NCALD: variants seen among roughly 807,000 people sequenced by gnomAD.
The protein encoded by NCALD is neurocalcin-delta.
Under a neutral mutation model 18.6 loss-of-function variants are expected in NCALD, and 10 were observed. That is an observed-to-expected ratio of 0.54 (90% confidence interval 0.33 to 0.91). NCALD has a LOEUF of 0.91. NCALD is among the 40% of genes least tolerant of loss of function. The pLI, the probability that NCALD is intolerant of heterozygous loss-of-function variation, is 0.03. For synonymous variants in NCALD, 88 were observed against 87.4 expected (o/e 1.01, Z -0.04); for missense variants, 184 against 247.6 (o/e 0.74, Z 1.72).
chr8:102,012,753 G>C (rs1821949576), intron 2 of NCALD, among the ~76,000 whole-genome samples: 1 of 152,130 alleles, frequency 6.6e-6, no homozygotes, highest in Non-Finnish European at 1.5e-5. Flanking sequence ...CCTGAAACAA[G>C]TCTACCCATT....
At chr8:101,722,712 C>T (rs969817767) in intron 1 of NCALD, among the ~76,000 whole-genome samples, 2 of 152,070 alleles carry the variant, frequency 1.3e-5, no homozygotes, top group Non-Finnish European at 2.9e-5. Flanking sequence ...AACAAATTGC[C>T]TCAACATTTT....
chr8:102,110,109 C>T (rs1825594954), intron 1 of NCALD, among the ~76,000 whole-genome samples: 1 of 152,148 alleles, frequency 6.6e-6, no homozygotes, highest in African/African-American at 2.4e-5. Context: ...ACACCCAGAC[C>T]TTTAACACTG....
chr8:102,006,640 C>G (rs1252196514), intron 2 of NCALD, among the ~76,000 whole-genome samples: 2 of 152,208 alleles, frequency 1.3e-5, no homozygotes, highest in Non-Finnish European at 2.9e-5. Context: ...CCCTCCACTC[C>G]TCTGTACTTC....
At chr8:101,994,962 TCAAA>T (rs1452265552) in intron 2 of NCALD, among the ~76,000 whole-genome samples, 5 of 152,234 alleles carry the variant, frequency 3.3e-5, no homozygotes, top group African/African-American at 1.2e-4. Flanking sequence ...TTGCTGAGGA[TCAAA>T]CAATGTATGG....
chr8:102,074,906 T>G (rs1824292379), intron 1 of NCALD, among the ~76,000 whole-genome samples: 1 of 152,220 alleles, frequency 6.6e-6, no homozygotes, highest in Non-Finnish European at 1.5e-5. Flanking sequence ...TCCATTCAGC[T>G]GGGAACTTTG....
At chr8:101,724,895 A>AT (rs1816506023) in intron 1 of NCALD, among the ~76,000 whole-genome samples, 2 of 152,242 alleles carry the variant, frequency 1.3e-5, no homozygotes, top group African/African-American at 4.8e-5. Flanking sequence ...ACAACAATCC[A>AT]TAAAAAGTCA....
chr8:101,856,443 G>C (rs2131351041), intron 4 of NCALD, among the ~76,000 whole-genome samples: 1 of 152,226 alleles, frequency 6.6e-6, no homozygotes, highest in East Asian at 1.9e-4. Context: ...AAAGTGCAAA[G>C]ACTCCTTTAC....
chr8:101,969,372 C>A (rs1448843105), intron 2 of NCALD, among the ~76,000 whole-genome samples: 1 of 152,186 alleles, frequency 6.6e-6, no homozygotes, highest in Non-Finnish European at 1.5e-5. Flanking sequence ...AGATTCCATT[C>A]TCCTGTTTCT....
rs988574811 is a variant in NCALD, at chr8:101,895,718, C to T, written c.-106-8491G>A. On this transcript the variant is annotated intron_variant, in intron 3 of 6. Coordinates refer to the NCALD transcript ENST00000311028. ...AATCACAAGCATTCTTATACACCAACAACAGACAAAGAGAGAGCCAAATCA... is the reference window on the plus strand; with the variant it reads ...AATCACAAGCATTCTTATACACCAATAACAGACAAAGAGAGAGCCAAATCA... Among the ~76,000 whole-genome samples the T allele has an allele frequency of 2.8e-4, 41 of 148,846 alleles. 1 individual carries two copies. The highest frequency in any genetic ancestry group is 9.6e-4 in the African/African-American group (37 of 38,706).
chr8:101,753,775 C>T (rs1810759569), intron 1 of NCALD, among the ~76,000 whole-genome samples: 2 of 152,144 alleles, frequency 1.3e-5, no homozygotes, highest in African/African-American at 4.8e-5. Context: ...ATGTATCACT[C>T]TGAGGTGGGT....
intron 1 of NCALD, among the ~76,000 whole-genome samples, chr8:101,785,503 C>G (rs1586498944): frequency 1.3e-5 from 2 of 152,052 alleles, no homozygotes; most frequent in Admixed American, 1.3e-4. Flanking sequence ...ATAGAAGGAG[C>G]CTGAGTCCCT....
intron 2 of NCALD, among the ~76,000 whole-genome samples, chr8:101,713,034 ACTC>A (rs1253408338): frequency 6.6e-6 from 1 of 151,938 alleles, no homozygotes; most frequent in Non-Finnish European, 1.5e-5. Context: ...TGAAAGTAAA[ACTC>A]CTCAGCAAAT....
chr8:101,980,121 T>C (rs2165274), intron 2 of NCALD, among the ~76,000 whole-genome samples: 2 of 152,164 alleles, frequency 1.3e-5, no homozygotes, highest in Admixed American at 6.5e-5. Flanking sequence ...CCATGTACAG[T>C]GGCCAGGACA....
intron 1 of NCALD, among the ~76,000 whole-genome samples, chr8:102,051,766 G>A (rs911927882): frequency 1.3e-5 from 2 of 152,164 alleles, no homozygotes; most frequent in African/African-American, 4.8e-5. Context: ...TCAGAACACA[G>A]AAGTCCAAAA....
intron 1 of NCALD, among the ~76,000 whole-genome samples, chr8:102,029,675 C>T (rs532943528): frequency 1.3e-5 from 2 of 152,214 alleles, no homozygotes; most frequent in South Asian, 4.1e-4. Flanking sequence ...TTAAAATGTT[C>T]AGAACTATCC....
rs567338131 is a variant in NCALD at position 102,101,898 on chromosome 8, C to T, written c.-210+22339G>A. 4.3e-4 allele frequency among the ~76,000 whole-genome samples: 65 copies of T among 152,256 alleles called. 1 individual carries two copies. In the South Asian group the frequency reaches 0.013, roughly 31 times the overall value. On this transcript the variant is annotated intron_variant, in intron 1 of 6. Coordinates refer to the NCALD transcript ENST00000311028. Reference sequence around the variant, plus strand: ...AAAACAAAATCAATGTTTTAATTTTCTATCTTATGGAGTTGAAGCTGGGGG... The same window carrying T: ...AAAACAAAATCAATGTTTTAATTTTTTATCTTATGGAGTTGAAGCTGGGGG...
intron 2 of NCALD, among the ~76,000 whole-genome samples, chr8:101,989,580 A>C (rs2131977808): frequency 6.6e-6 from 1 of 152,358 alleles, no homozygotes; most frequent in South Asian, 2.1e-4. Context: ...AACCCAGAAC[A>C]CTGACTCTAA....
At chr8:101,810,646 A>AT (rs922008227) in intron 4 of NCALD, among the ~76,000 whole-genome samples, 14 of 152,100 alleles carry the variant, frequency 9.2e-5, no homozygotes, top group South Asian at 2.1e-4. Context: ...TATTAAATTC[A>AT]TTTTTTTACA....
At chr8:102,063,777 AC>A (rs1288817403) in intron 1 of NCALD, among the ~76,000 whole-genome samples, 1 of 152,128 alleles carries the variant, frequency 6.6e-6, no homozygotes, top group Non-Finnish European at 1.5e-5. Flanking sequence ...CAGCATTCAC[AC>A]CTGACTTCCT....
Sources: allele counts gnomAD v4.1 joint callset (sites outside exome capture counted in the v4.1 genomes callset), GRCh38; gene constraint gnomAD v4.1.1; transcripts MANE v1.5; gene names NCBI Gene and HGNC (gene_info 2026-07-23, HGNC 2026-07-21).